Variants in FAM81B observed in about 807,000 individuals in gnomAD.
FAM81B encodes the protein family with sequence similarity 81 member B.
A neutral mutation model predicts 58.7 loss-of-function variants in FAM81B; 60 were observed. The observed-to-expected ratio is 1.02, with a 90% CI of 0.83 to 1.27. The LOEUF (loss-of-function observed/expected upper bound fraction) is 1.27, where lower values mean the gene tolerates loss of function less well. Ranked by LOEUF, FAM81B falls within the 50% of genes most tolerant of loss-of-function variation. The pLI, the probability that FAM81B is intolerant of heterozygous loss-of-function variation, is 0.00. For missense variants in FAM81B, 491 were observed against 522.0 expected (o/e 0.94, Z 0.58); for synonymous variants, 189 against 179.6 (o/e 1.05, Z -0.42).
At chr5:95,447,290 T>C (rs1582834049) in intron 8 of FAM81B, among the ~76,000 whole-genome samples, 1 of 152,118 alleles carries the variant, frequency 6.6e-6, no homozygotes, top group South Asian at 2.1e-4. Flanking sequence ...GTCCTGCAGG[T>C]GACTAAAGTA....
At chr5:95,446,507 A>AT in intron 7 of FAM81B, 55 bp from the exon 8 acceptor site, 2 of 1,455,848 alleles carry the variant, frequency 1.4e-6, no homozygotes, top group Non-Finnish European at 1.8e-6. Context: ...TTCAATACTA[A>AT]TTTTTTATGT....
intron 7 of FAM81B, among the ~76,000 whole-genome samples, chr5:95,441,500 T>C (rs1582828542): frequency 6.6e-6 from 1 of 151,144 alleles, no homozygotes; most frequent in Non-Finnish European, 1.5e-5. Flanking sequence ...ACCCGGGAGG[T>C]GGAGGTTGCA....
chr5:95,392,653 G>A, intron 1 of FAM81B, 141 bp from the exon 2 acceptor site: 1 of 664,992 alleles, frequency 1.5e-6, no homozygotes, highest in South Asian at 1.9e-5. Context: ...TGAGGAGAGG[G>A]GAAATGTAAA....
chr5:95,446,272 C>A (rs1745553528), intron 7 of FAM81B, among the ~76,000 whole-genome samples: 1 of 152,194 alleles, frequency 6.6e-6, no homozygotes, highest in South Asian at 2.1e-4. Flanking sequence ...ATGGATAACA[C>A]TACATTTCAG....
At chr5:95,393,220 C>G (rs971942383) in intron 2 of FAM81B, among the ~76,000 whole-genome samples, 1 of 152,042 alleles carries the variant, frequency 6.6e-6, no homozygotes, top group African/African-American at 2.4e-5. Context: ...ACATGAAAAC[C>G]GGTATAGCTA....
intron 3 of FAM81B, among the ~76,000 whole-genome samples, chr5:95,407,067 G>A (rs1408882305): frequency 6.6e-6 from 1 of 151,980 alleles, no homozygotes; most frequent in African/African-American, 2.4e-5. Flanking sequence ...CATGGGGGAT[G>A]GCAATATTTT....
Position 95,424,745 on chromosome 5 carries a change from C to A in FAM81B, c.657-3858C>A, listed in dbSNP as rs111678317. ...CACTAGGGAGAGGAACTGAGAGAGG[C>A]AGTGAGAGGAAGGGTCAGAAACCAC... On this transcript the variant is annotated intron_variant, in intron 5 of 9. Coordinates refer to ENST00000283357, the MANE Select transcript of FAM81B (RefSeq NM_152548.3). Among the ~76,000 whole-genome samples the A allele has an allele frequency of 1.7e-3, 262 of 152,166 alleles. 3 individuals carry two copies. Among genetic ancestry groups the A allele is most frequent in the African/African-American group, 6.2e-3 (257 of 41,508 alleles).
At chr5:95,442,238 A>G (rs901221080) in intron 7 of FAM81B, among the ~76,000 whole-genome samples, 6 of 152,228 alleles carry the variant, frequency 3.9e-5, no homozygotes, top group African/African-American at 1.4e-4. Flanking sequence ...AATCCTTGCT[A>G]CTTACAGTTG....
At chr5:95,438,720 T>C (rs1745197697) in intron 7 of FAM81B, among the ~76,000 whole-genome samples, 1 of 151,810 alleles carries the variant, frequency 6.6e-6, no homozygotes, top group Non-Finnish European at 1.5e-5. Flanking sequence ...ATTCATTTAG[T>C]TACACAACTG....
At chr5:95,423,386 C>T (rs1487744728) in intron 5 of FAM81B, among the ~76,000 whole-genome samples, 3 of 151,794 alleles carry the variant, frequency 2.0e-5, no homozygotes, top group African/African-American at 4.8e-5. Context: ...AGAGAGGTCA[C>T]GTCCCCTTAG....
chr5:95,408,693 A>T (rs1283588669), intron 3 of FAM81B, among the ~76,000 whole-genome samples: 1 of 152,238 alleles, frequency 6.6e-6, no homozygotes, highest in East Asian at 1.9e-4. Flanking sequence ...TATTATCGTT[A>T]AAAACAGGGT....
At chr5:95,392,615 T>C (rs1266125582) in intron 1 of FAM81B, among the ~76,000 whole-genome samples, 179 bp from the exon 2 acceptor site, 1 of 152,052 alleles carries the variant, frequency 6.6e-6, no homozygotes, top group African/African-American at 2.4e-5. Flanking sequence ...ATAGATGTTA[T>C]GGGGGGATGG....
chr5:95,420,909 C>T (rs1430042232), intron 5 of FAM81B, among the ~76,000 whole-genome samples: 1 of 152,138 alleles, frequency 6.6e-6, no homozygotes, highest in Non-Finnish European at 1.5e-5. Flanking sequence ...CTCTGGCAGA[C>T]ACATCAAAGA....
chr5:95,420,198 A>T, intron 4 of FAM81B, 86 bp from the exon 5 acceptor site: 1 of 1,547,428 alleles, frequency 6.5e-7, no homozygotes, highest in Non-Finnish European at 8.8e-7. Context: ...TACAAAATGC[A>T]TTCATTTAGG....
In FAM81B at chr5:95,394,680, C is replaced by T. The variant is rs1375962143; in HGVS notation, c.229-1431C>T. ...ACAGCATTAGACCCATTGCAGACCC[C>T]ATTCAGCAATGCGGGGAGGGTACAA... On this transcript the variant is annotated intron_variant, in intron 2 of 9. Coordinates refer to ENST00000283357, the MANE Select transcript of FAM81B (RefSeq NM_152548.3). Among the ~76,000 whole-genome samples, 3 of 152,174 alleles carry T rather than the reference C, an allele frequency of 2.0e-5. No individual in the cohort carries two copies. In the East Asian group the frequency reaches 5.8e-4, roughly 29 times the overall value.
In FAM81B at chr5:95,436,866, CA is replaced by C; in HGVS notation, c.854del (p.Gln285ArgfsTer8). 1 of 1,613,838 alleles carries C rather than the reference CA, an allele frequency of 6.2e-7. No individual in the cohort carries two copies. Among genetic ancestry groups the C allele is most frequent in the African/African-American group, 1.3e-5 (1 of 75,024 alleles). On this transcript the variant is annotated frameshift_variant, in exon 7 of 10. Transcript: ENST00000283357. LOFTEE classifies it high-confidence loss of function. Reference sequence around the variant, plus strand: ...GCAAACCTCGAATTTAAAGATGGTCCAGGGGGATTATCGCCACGAAATGAAC... The same window carrying C: ...GCAAACCTCGAATTTAAAGATGGTCCGGGGGATTATCGCCACGAAATGAAC... ...SEQTSNLKMV[Q>X]GDYRHEMNLL...
At chr5:95,428,577 C>A in intron 5 of FAM81B, 26 bp from the exon 6 acceptor site, 1 of 1,612,890 alleles carries the variant, frequency 6.2e-7, no homozygotes, top group South Asian at 1.1e-5. Flanking sequence ...GGTATTGATC[C>A]ACACCAATTT....
At chr5:95,391,802 G>T (rs1351091732) in intron 1 of FAM81B, among the ~76,000 whole-genome samples, 1 of 152,148 alleles carries the variant, frequency 6.6e-6, no homozygotes, top group East Asian at 1.9e-4. Context: ...ACTACAATGA[G>T]ATACCATCTC....
chr5:95,438,966 A>G (rs1476968210), intron 7 of FAM81B, among the ~76,000 whole-genome samples: 1 of 151,026 alleles, frequency 6.6e-6, no homozygotes, highest in Non-Finnish European at 1.5e-5. Flanking sequence ...TTTTAAAAAT[A>G]ATTTCTATAC....
Sources: allele counts gnomAD v4.1 joint callset (sites outside exome capture counted in the v4.1 genomes callset), GRCh38; gene constraint gnomAD v4.1.1; transcripts MANE v1.5; gene names NCBI Gene and HGNC (gene_info 2026-07-23, HGNC 2026-07-21).